Variants in HDX observed in about 807,000 individuals in gnomAD.
HDX encodes highly divergent homeobox.
In HDX, 19 loss-of-function variants were observed where a neutral mutation model predicts 45.2. The ratio of observed to expected loss-of-function variants is 0.42; its 90% CI spans 0.29 to 0.62. The LOEUF is 0.62. HDX is among the 20% of genes least tolerant of loss of function. The pLI, the probability that HDX is intolerant of heterozygous loss-of-function variation, is 0.20. For synonymous variants in HDX, 188 were observed against 172.8 expected (o/e 1.09, Z -0.69); for missense variants, 532 against 493.9 (o/e 1.08, Z -0.73).
At chrX:84,419,317 T>A (rs2039192871) in intron 5 of HDX, among the ~76,000 whole-genome samples, 1 of 106,692 alleles carries the variant, frequency 9.4e-6, no homozygotes, top group Non-Finnish European at 1.9e-5. Flanking sequence ...TCCTAAAGTG[T>A]GAACCCCAGG....
At chrX:84,482,888 C>G (rs141075828) in intron 2 of HDX, among the ~76,000 whole-genome samples, 154 of 112,062 alleles carry the variant, frequency 1.4e-3, no homozygotes, top group African/African-American at 4.8e-3. Flanking sequence ...AATGGGAGTG[C>G]AGGCATTGGG....
intron 5 of HDX, among the ~76,000 whole-genome samples, chrX:84,382,155 A>G (rs1287979764): frequency 1.8e-5 from 2 of 111,811 alleles, no homozygotes; most frequent in African/African-American, 6.5e-5. Context: ...GCATTATCTT[A>G]CCTCAGCTAA....
intron 1 of HDX, among the ~76,000 whole-genome samples, chrX:84,497,588 T>TA (rs2082629803): frequency 1.8e-5 from 2 of 110,100 alleles, no homozygotes; most frequent in South Asian, 7.7e-4. Flanking sequence ...TTTATTTATG[T>TA]AAAAAATGTC....
intron 5 of HDX, among the ~76,000 whole-genome samples, chrX:84,437,075 C>T (rs948698184): frequency 1.8e-5 from 2 of 110,478 alleles, no homozygotes; most frequent in African/African-American, 3.3e-5. Flanking sequence ...ATTCACCTCA[C>T]CTGTAGAGAT....
chrX:84,335,761 T>C (rs2036946113), intron 8 of HDX, among the ~76,000 whole-genome samples: 1 of 111,179 alleles, frequency 9.0e-6, no homozygotes, highest in East Asian at 2.8e-4. Flanking sequence ...TTGTTAAACT[T>C]AGTGTTAGAA....
At chrX:84,493,393 G>A (rs989229235) in intron 1 of HDX, among the ~76,000 whole-genome samples, 1 of 111,738 alleles carries the variant, frequency 8.9e-6, no homozygotes, top group Non-Finnish European at 1.9e-5. Flanking sequence ...AGGGCACAAA[G>A]AAATTGTTCA....
At chrX:84,347,020 T>A (rs2037222445) in intron 6 of HDX, among the ~76,000 whole-genome samples, 1 of 111,207 alleles carries the variant, frequency 9.0e-6, no homozygotes, top group African/African-American at 3.3e-5. Context: ...TTTATCAGAG[T>A]TTTGTAGTTT....
intron 4 of HDX, among the ~76,000 whole-genome samples, 186 bp from the exon 5 acceptor site, chrX:84,440,771 A>G (rs1316445762): frequency 9.0e-6 from 1 of 111,306 alleles, no homozygotes; most frequent in Admixed American, 9.6e-5. Context: ...GGTGAAAAAA[A>G]TTGAAAAGTG....
chrX:84,445,235 G>T (rs2039846647), intron 4 of HDX, among the ~76,000 whole-genome samples: 1 of 111,715 alleles, frequency 9.0e-6, no homozygotes, highest in South Asian at 3.7e-4. Flanking sequence ...TGGAGTATTT[G>T]ATTACTTAGC....
chrX:84,329,287 G>A (rs1249234108), intron 9 of HDX, among the ~76,000 whole-genome samples: 1 of 111,708 alleles, frequency 9.0e-6, no homozygotes, highest in African/African-American at 3.3e-5. Context: ...AATGCCTTTG[G>A]CCAAGAGGGG....
At chrX:84,366,756 C>A (rs2037764870) in intron 5 of HDX, among the ~76,000 whole-genome samples, 1 of 111,503 alleles carries the variant, frequency 9.0e-6, no homozygotes, top group South Asian at 3.7e-4. Context: ...ACAAGCAACA[C>A]CCTATTTAAT....
intron 4 of HDX, among the ~76,000 whole-genome samples, chrX:84,448,342 G>T (rs1003938652): frequency 9.0e-6 from 1 of 111,011 alleles, no homozygotes; most frequent in African/African-American, 3.3e-5. Context: ...GCTGGCTGGA[G>T]GCCCAAGAAT....
intron 5 of HDX, among the ~76,000 whole-genome samples, chrX:84,417,205 A>G (rs868712357): frequency 1.1e-5 from 1 of 90,162 alleles, no homozygotes; most frequent in African/African-American, 4.0e-5. Context: ...AGAAAGAAGA[A>G]AGAAAAAAAA....
chrX:84,371,156 A>G (rs940497618), intron 5 of HDX, among the ~76,000 whole-genome samples: 1 of 111,919 alleles, frequency 8.9e-6, no homozygotes. Context: ...TCCTCAGTGC[A>G]AAACAGTGGG....
intron 3 of HDX, among the ~76,000 whole-genome samples, chrX:84,470,024 C>G (rs1427061115): frequency 9.0e-6 from 1 of 111,709 alleles, no homozygotes; most frequent in African/African-American, 3.2e-5. Flanking sequence ...AAGAAATGCT[C>G]ATAGTATTGT....
chrX:84,348,542 C>A (rs1222467684), intron 6 of HDX, among the ~76,000 whole-genome samples: 1 of 110,932 alleles, frequency 9.0e-6, no homozygotes, highest in Non-Finnish European at 1.9e-5. Flanking sequence ...TGTTTTTTGC[C>A]TTTTGTTATG....
intron 5 of HDX, among the ~76,000 whole-genome samples, chrX:84,418,148 TC>T (rs1403702461): frequency 4.5e-5 from 5 of 111,899 alleles, no homozygotes; most frequent in African/African-American, 1.6e-4. Flanking sequence ...TGAGGCCTGT[TC>T]TTTTTCAAAT....
At chrX:84,373,922 A>G (rs1183549250) in intron 5 of HDX, among the ~76,000 whole-genome samples, 2 of 107,755 alleles carry the variant, frequency 1.9e-5, no homozygotes, top group African/African-American at 3.4e-5. Flanking sequence ...AATTAGGCAG[A>G]AGAAGGAAAT....
At chrX:84,463,049 G>C (rs1015200249) in intron 4 of HDX, among the ~76,000 whole-genome samples, 1 of 110,544 alleles carries the variant, frequency 9.0e-6, no homozygotes, top group Non-Finnish European at 1.9e-5. Context: ...AATGGGTATG[G>C]GGTTCATTTT....
Sources: gnomAD v4.1 joint callset for allele counts (sites outside exome capture counted in the v4.1 genomes callset) on GRCh38, gnomAD v4.1.1 for gene constraint, MANE v1.5 for transcripts, NCBI Gene and HGNC (gene_info 2026-07-23, HGNC 2026-07-21) for gene names.